The following SLC1A1 variants were observed in gnomAD, a reference collection of about 807,000 sequenced individuals.
SLC1A1 encodes excitatory amino acid transporter 3.
In SLC1A1, 43 loss-of-function variants were observed where a neutral mutation model predicts 53.3. The observed-to-expected ratio is 0.81, with a 90% CI of 0.63 to 1.04. The LOEUF is 1.04. Ranked by LOEUF, SLC1A1 falls within the 50% of genes least tolerant of loss-of-function variation. The pLI, the probability that SLC1A1 is intolerant of heterozygous loss-of-function variation, is 0.00. For synonymous variants in SLC1A1, 307 were observed against 243.2 expected (o/e 1.26, Z -2.44); for missense variants, 748 against 664.9 (o/e 1.12, Z -1.37).
intron 1 of SLC1A1, among the ~76,000 whole-genome samples, chr9:4,495,151 G>A (rs1820370519): frequency 6.6e-6 from 1 of 152,206 alleles, no homozygotes; most frequent in Non-Finnish European, 1.5e-5. Context: ...TTGAGACGTG[G>A]CATAGGCTTT....
chr9:4,569,858 C>A (rs1007105322), intron 6 of SLC1A1, among the ~76,000 whole-genome samples: 1 of 152,164 alleles, frequency 6.6e-6, no homozygotes, highest in East Asian at 1.9e-4. Context: ...ATACCCCAGG[C>A]CCTGCTGGGC....
At chr9:4,513,305 A>C (rs563377971) in intron 1 of SLC1A1, among the ~76,000 whole-genome samples, 26 of 152,210 alleles carry the variant, frequency 1.7e-4, no homozygotes, top group Admixed American at 2.0e-4. Flanking sequence ...CATATATCCA[A>C]CTTGTCTAAA....
chr9:4,536,126 C>A (rs201051903), intron 1 of SLC1A1, among the ~76,000 whole-genome samples: 2,861 of 152,060 alleles, frequency 0.019, 63 homozygotes, highest in African/African-American at 0.056. Flanking sequence ...TTCAGGACAT[C>A]GGCATGGGCA....
intron 1 of SLC1A1, among the ~76,000 whole-genome samples, chr9:4,529,453 T>G (rs952619439): frequency 6.6e-6 from 1 of 152,212 alleles, no homozygotes; most frequent in Non-Finnish European, 1.5e-5. Context: ...GATGAAACTG[T>G]ACTGTCTTCC....
intron 1 of SLC1A1, among the ~76,000 whole-genome samples, chr9:4,528,014 T>A (rs1323628241): frequency 6.6e-6 from 1 of 152,218 alleles, no homozygotes; most frequent in Non-Finnish European, 1.5e-5. Flanking sequence ...TCTGTGTTTA[T>A]TTCCCTCTCG....
intron 3 of SLC1A1, among the ~76,000 whole-genome samples, chr9:4,563,109 A>G (rs936006953): frequency 6.6e-5 from 10 of 150,382 alleles, no homozygotes; most frequent in African/African-American, 2.5e-4. Flanking sequence ...CCTAAAACTT[A>G]AAGTATAATA....
chr9:4,494,389 TA>T (rs1340999781), intron 1 of SLC1A1, among the ~76,000 whole-genome samples: 1 of 152,200 alleles, frequency 6.6e-6, no homozygotes, highest in Non-Finnish European at 1.5e-5. Context: ...TATTTTAAGG[TA>T]AATCTGAATA....
At chr9:4,500,249 G>A (rs1303324437) in intron 1 of SLC1A1, among the ~76,000 whole-genome samples, 2 of 152,146 alleles carry the variant, frequency 1.3e-5, no homozygotes, top group Admixed American at 6.5e-5. Context: ...TGAGTGGCCC[G>A]TTTAAACTCC....
intron 2 of SLC1A1, among the ~76,000 whole-genome samples, chr9:4,548,016 C>T (rs1249585120): frequency 6.6e-6 from 1 of 152,056 alleles, no homozygotes; most frequent in African/African-American, 2.4e-5. Context: ...GGTTAACATC[C>T]AGAAAGTAAG....
intron 1 of SLC1A1, among the ~76,000 whole-genome samples, chr9:4,500,507 C>T (rs1266167374): frequency 1.3e-5 from 2 of 152,166 alleles, no homozygotes; most frequent in African/African-American, 4.8e-5. Context: ...GACGGGGTTT[C>T]ACCATGCTGG....
chr9:4,517,723 C>G (rs1815905724), intron 1 of SLC1A1, among the ~76,000 whole-genome samples: 1 of 152,078 alleles, frequency 6.6e-6, no homozygotes, highest in South Asian at 2.1e-4. Context: ...ACACAAAGAC[C>G]TAGATTTTTA....
chr9:4,520,712 G>C (rs1413749034), intron 1 of SLC1A1, among the ~76,000 whole-genome samples: 1 of 152,208 alleles, frequency 6.6e-6, no homozygotes, highest in Non-Finnish European at 1.5e-5. Flanking sequence ...TAGGAATAAT[G>C]TTGTTGTGAA....
chr9:4,540,464 T>C (rs113061124), intron 1 of SLC1A1, among the ~76,000 whole-genome samples: 3,056 of 152,226 alleles, frequency 0.02, 109 homozygotes, highest in African/African-American at 0.069. Context: ...CACTGAACTG[T>C]TGACACTTAA....
At position 4,583,888 on chromosome 9, in the gene SLC1A1, A is replaced by T. The variant is rs866794073; in HGVS notation, c.1328+716A>T. 2.3e-3 allele frequency among the ~76,000 whole-genome samples: 246 copies of T among 104,816 alleles called. 2 individuals carry two copies. Among genetic ancestry groups the T allele is most frequent in the South Asian group, 0.023 (81 of 3,536 alleles). 68.8% of individuals were successfully genotyped at this position (104,816 alleles called of 152,430 possible). A position where few individuals can be genotyped will look rare whatever the true frequency, so the allele number is the denominator to read the frequency against. On this transcript the variant is annotated intron_variant, in intron 11 of 11. Coordinates refer to ENST00000262352, the MANE Select transcript of SLC1A1 (RefSeq NM_004170.6). This position sits in a 1 kb window ranked among gnomAD's most constrained non-coding sequence, Gnocchi z 4.6. ...CTCTCTCTCTCTCTCTCTCTCACAC[A>T]CACACACACACACACACACACACAT...
chr9:4,560,920 C>G (rs1818874801), intron 2 of SLC1A1, among the ~76,000 whole-genome samples: 1 of 151,476 alleles, frequency 6.6e-6, no homozygotes. Context: ...CGCTTGAACC[C>G]AGGAGATGGA....
At chr9:4,582,233 C>T (rs920228586) in intron 10 of SLC1A1, among the ~76,000 whole-genome samples, 1 of 152,220 alleles carries the variant, frequency 6.6e-6, no homozygotes, top group Admixed American at 6.5e-5. Context: ...ACTGCCTCAG[C>T]TGATCTTACC....
Position 4,511,566 on chromosome 9 carries a change from TACAC to T in SLC1A1, c.91+20827_91+20830del, listed in dbSNP as rs113277990. On this transcript the variant is annotated intron_variant, in intron 1 of 11. Coordinates refer to ENST00000262352, the MANE Select transcript of SLC1A1 (RefSeq NM_004170.6). ...TTTTGCCTTAAACTCTTAAGAATTCTACACACACACACACACACACACACACACA... is the reference window on the plus strand; with the variant it reads ...TTTTGCCTTAAACTCTTAAGAATTCTACACACACACACACACACACACACA... Among the ~76,000 whole-genome samples, 816 of 146,328 alleles carry T rather than the reference TACAC, an allele frequency of 5.6e-3. 11 individuals carry two copies. Among genetic ancestry groups the T allele is most frequent in the African/African-American group, 0.017 (674 of 39,328 alleles).
intron 2 of SLC1A1, among the ~76,000 whole-genome samples, chr9:4,545,045 A>G (rs1817354330): frequency 6.6e-6 from 1 of 152,194 alleles, no homozygotes. Flanking sequence ...CTCCCTTGAC[A>G]CCTGGGGATT....
intron 1 of SLC1A1, among the ~76,000 whole-genome samples, chr9:4,492,801 GAAAA>G (rs34631013): frequency 7.1e-6 from 1 of 141,270 alleles, no homozygotes; most frequent in Non-Finnish European, 1.6e-5. Context: ...TGTCTAAAAA[GAAAA>G]AAAAAAAAGA....
Sources: gnomAD v4.1 joint callset for allele counts (sites outside exome capture counted in the v4.1 genomes callset) on GRCh38, gnomAD v4.1.1 for gene constraint, Gnocchi (gnomAD v3.1) non-coding constraint, MANE v1.5 for transcripts, NCBI Gene and HGNC (gene_info 2026-07-23, HGNC 2026-07-21) for gene names.